Variants in AGAP1 observed in about 807,000 individuals in gnomAD.
AGAP1 encodes ArfGAP with GTPase domain, ankyrin repeat and PH domain 1.
AGAP1 carries 29 observed loss-of-function variants against 105.3 expected under a neutral mutation model. The observed-to-expected ratio is 0.28, with a 90% confidence interval of 0.21 to 0.38. The LOEUF is 0.38. AGAP1 is among the 10% of genes least tolerant of loss of function. The pLI, the probability that AGAP1 is intolerant of heterozygous loss-of-function variation, is 1.00. For synonymous variants in AGAP1, 509 were observed against 485.9 expected, an observed-to-expected ratio of 1.05 and a Z score of -0.63; for missense variants, 998 against 1,165.1, an observed-to-expected ratio of 0.86 and a Z score of 2.09.
At chr2:236,026,977 T>C (rs2057075777) in intron 13 of AGAP1, among the ~76,000 whole-genome samples, 1 of 152,126 alleles carries the variant, frequency 6.6e-6, no homozygotes, top group Admixed American at 6.6e-5. Context: ...GAGAGGAAAA[T>C]GATTACAAGC....
chr2:235,886,050 C>T (rs1201096569), intron 10 of AGAP1, among the ~76,000 whole-genome samples: 4 of 152,150 alleles, frequency 2.6e-5, no homozygotes, highest in Admixed American at 2.6e-4. Context: ...GTCTCCAGTT[C>T]TGCAGCCCTC....
intron 9 of AGAP1, among the ~76,000 whole-genome samples, chr2:235,818,898 T>G (rs1958617544): frequency 6.6e-6 from 1 of 151,932 alleles, no homozygotes; most frequent in Non-Finnish European, 1.5e-5. Flanking sequence ...CTGTGCAAGA[T>G]CAAGCATCAA....
At chr2:235,839,368 A>C (rs773992244) in intron 9 of AGAP1, among the ~76,000 whole-genome samples, 1 of 152,214 alleles carries the variant, frequency 6.6e-6, no homozygotes, top group Non-Finnish European at 1.5e-5. Context: ...AGTCACACTC[A>C]TTGGGCCTGG....
chr2:235,590,665 ATG>A (rs147286191), intron 1 of AGAP1, among the ~76,000 whole-genome samples: 95 of 127,370 alleles, frequency 7.5e-4, no homozygotes, highest in East Asian at 3.7e-3. Flanking sequence ...TTTTGTTTTA[ATG>A]TGTGTGTGTG....
At chr2:235,898,391 C>G (rs1199812990) in intron 10 of AGAP1, among the ~76,000 whole-genome samples, 1 of 151,354 alleles carries the variant, frequency 6.6e-6, no homozygotes, top group East Asian at 1.9e-4. Flanking sequence ...ATATACATGC[C>G]TCCCCCATTT....
rs1015702707 is a variant in AGAP1, at chr2:236,053,154, A to G, written c.2114+3873A>G. ...TCCAGTGTTAGAGGTACATGGTGTT[A>G]CTGTAAGGAGAAGTTGCCAAGCTCC... On this transcript the variant is annotated intron_variant, in intron 16 of 17. Coordinates refer to ENST00000304032, the MANE Select transcript of AGAP1 (RefSeq NM_001037131.3). The surrounding 1 kb of genome is among the most constrained non-coding windows in gnomAD (Gnocchi z 4.6). Among the ~76,000 whole-genome samples, 1 of 152,196 alleles carries G rather than the reference A, an allele frequency of 6.6e-6. No individual in the cohort carries two copies. The highest frequency in any genetic ancestry group is 2.4e-5 in the African/African-American group (1 of 41,454).
In AGAP1 at chr2:236,048,115, G is replaced by A. The variant is rs1004394038; in HGVS notation, c.1892-944G>A. On this transcript the variant is annotated intron_variant, in intron 15 of 17. Coordinates refer to ENST00000304032, the MANE Select transcript of AGAP1 (RefSeq NM_001037131.3). Reference sequence around the variant, plus strand: ...GACTCTTCAGGTGTGTCCAGAGTAAGCATTGCCTATTCCCAGGTGAGTAAG... The same window carrying A: ...GACTCTTCAGGTGTGTCCAGAGTAAACATTGCCTATTCCCAGGTGAGTAAG... Among the ~76,000 whole-genome samples the A allele has an allele frequency of 9.2e-5, 14 of 152,326 alleles. 1 individual carries two copies. Among genetic ancestry groups the A allele is most frequent in the African/African-American group, 3.4e-4 (14 of 41,570 alleles).
At chr2:235,848,937 T>C (rs1483230633) in intron 9 of AGAP1, among the ~76,000 whole-genome samples, 2 of 152,346 alleles carry the variant, frequency 1.3e-5, no homozygotes, top group East Asian at 3.9e-4. Context: ...ATCCCAAGAC[T>C]GATTTCCCTG....
intron 16 of AGAP1, among the ~76,000 whole-genome samples, chr2:236,091,422 A>G (rs2059057064): frequency 1.3e-5 from 2 of 152,188 alleles, no homozygotes; most frequent in Admixed American, 6.5e-5. Context: ...ATAAAACTAA[A>G]CGTGCACCTT....
At chr2:235,817,742 G>A (rs1367925238) in intron 9 of AGAP1, among the ~76,000 whole-genome samples, 2 of 152,096 alleles carry the variant, frequency 1.3e-5, no homozygotes, top group Non-Finnish European at 2.9e-5. Flanking sequence ...AAGACAAAAA[G>A]TAGCCGGGCA....
intron 1 of AGAP1, among the ~76,000 whole-genome samples, chr2:235,579,498 A>T (rs1944854936): frequency 6.6e-6 from 1 of 152,162 alleles, no homozygotes; most frequent in East Asian, 1.9e-4. Flanking sequence ...ACACTTGGCC[A>T]GGCGTGGTGG....
At chr2:235,898,384 T>C (rs1450424122) in intron 10 of AGAP1, among the ~76,000 whole-genome samples, 1 of 150,428 alleles carries the variant, frequency 6.6e-6, no homozygotes, top group Non-Finnish European at 1.5e-5. Context: ...GACTACCATA[T>C]ACATGCCTCC....
chr2:236,108,603 T>G (rs1328458845), intron 16 of AGAP1, among the ~76,000 whole-genome samples: 4 of 152,148 alleles, frequency 2.6e-5, no homozygotes, highest in Non-Finnish European at 5.9e-5. Context: ...TCTTTTGGCC[T>G]TTTCGCACTG....
chr2:235,597,077 G>A (rs1293755705), intron 1 of AGAP1, among the ~76,000 whole-genome samples: 3 of 152,144 alleles, frequency 2.0e-5, no homozygotes, highest in East Asian at 1.9e-4. Context: ...AGCCCCAGCC[G>A]ACTCATCACA....
At chr2:235,885,956 C>G (rs1384306363) in intron 10 of AGAP1, among the ~76,000 whole-genome samples, 2 of 152,174 alleles carry the variant, frequency 1.3e-5, no homozygotes, top group African/African-American at 4.8e-5. Flanking sequence ...CTCCAGGGGG[C>G]CTTCAGATCG....
At position 235,744,933 on chromosome 2, in the gene AGAP1, A is replaced by G. The variant is rs540369654; in HGVS notation, c.538+94A>G. ...GTTTAAAAAATGCTTTAAAGAAGGAAAAATTGCCTACTGAACGCTCACTTT... is the reference window on the plus strand; with the variant it reads ...GTTTAAAAAATGCTTTAAAGAAGGAGAAATTGCCTACTGAACGCTCACTTT... On this transcript the variant is annotated intron_variant, in intron 5 of 17. Coordinates refer to ENST00000304032, the MANE Select transcript of AGAP1 (RefSeq NM_001037131.3). The surrounding 1 kb of genome is among the most constrained non-coding windows in gnomAD (Gnocchi z 5.2). 151 of 1,462,946 alleles carry G rather than the reference A, an allele frequency of 1.0e-4. No individual in the cohort carries two copies. Among genetic ancestry groups the G allele is most frequent in the Non-Finnish European group, 1.3e-5 (14 of 1,083,188 alleles). The allele number at this position is 1,462,946 out of a possible 1,614,324, so 90.6% of individuals were successfully genotyped here.
chr2:235,750,596 T>C lies in AGAP1; in HGVS notation c.673+108T>C. The C allele has an allele frequency of 6.6e-7, 1 of 1,519,812 alleles. No individual in the cohort carries two copies. Among genetic ancestry groups the C allele is most frequent in the Non-Finnish European group, 9.1e-7 (1 of 1,103,998 alleles). The allele number at this position is 1,519,812 out of a possible 1,614,324, so 94.1% of individuals were successfully genotyped here. On this transcript the variant is annotated intron_variant, in intron 6 of 17. Coordinates refer to ENST00000304032, the MANE Select transcript of AGAP1 (RefSeq NM_001037131.3). The surrounding 1 kb of genome is among the most constrained non-coding windows in gnomAD (Gnocchi z 5.3). ...GCATGTGGGTGGTGGAAATATGTCGTTGATGGGTGGGCATTAGTATCGAGA... is the reference window on the plus strand; with the variant it reads ...GCATGTGGGTGGTGGAAATATGTCGCTGATGGGTGGGCATTAGTATCGAGA...
chr2:235,792,117 T>C lies in AGAP1; in HGVS notation c.674-5642T>C, dbSNP rs554135379. ...ATTGCTCCCCCGCCTCCCAAGTTACTGGCCTCACTGTGCTCCAGCTTTCCC... is the reference window on the plus strand; with the variant it reads ...ATTGCTCCCCCGCCTCCCAAGTTACCGGCCTCACTGTGCTCCAGCTTTCCC... On this transcript the variant is annotated intron_variant, in intron 6 of 17. Coordinates refer to ENST00000304032, the MANE Select transcript of AGAP1 (RefSeq NM_001037131.3). This position sits in a 1 kb window ranked among gnomAD's most constrained non-coding sequence, Gnocchi z 5.3. 2.6e-5 allele frequency among the ~76,000 whole-genome samples: 4 copies of C among 152,294 alleles called. No homozygotes were observed. The South Asian group carries it at 6.2e-4, about 24-fold the overall frequency.
At chr2:235,813,547 C>T (rs994523430) in intron 9 of AGAP1, among the ~76,000 whole-genome samples, 9 of 152,212 alleles carry the variant, frequency 5.9e-5, no homozygotes, top group South Asian at 2.1e-4. Context: ...TTCGGTGTCC[C>T]GCAGCTCAGA....
Sources: gnomAD v4.1 joint callset for allele counts (sites outside exome capture counted in the v4.1 genomes callset) on GRCh38, gnomAD v4.1.1 for gene constraint, Gnocchi (gnomAD v3.1) non-coding constraint, MANE v1.5 for transcripts, NCBI Gene and HGNC (gene_info 2026-07-23, HGNC 2026-07-21) for gene names.